The following PRDM16 variants were observed in gnomAD, a reference collection of about 807,000 sequenced individuals.
PRDM16 encodes the protein PR/SET domain 16.
PRDM16 carries 23 observed loss-of-function variants against 110.6 expected under a neutral mutation model. The observed-to-expected ratio is 0.21, with a 90% CI of 0.15 to 0.29. The LOEUF (loss-of-function observed/expected upper bound fraction) is 0.29. Among genes scored for constraint, PRDM16 ranks in the 10% least tolerant of loss-of-function variants. PRDM16 has a pLI of 1.00. For synonymous variants in PRDM16, 799 were observed against 781.8 expected (o/e 1.02, Z -0.37); for missense variants, 1,615 against 1,794.3 (o/e 0.90, Z 1.81).
intron 3 of PRDM16, among the ~76,000 whole-genome samples, chr1:3,277,147 CAA>C (rs1296162434): frequency 6.6e-6 from 1 of 152,190 alleles, no homozygotes; most frequent in Non-Finnish European, 1.5e-5. Flanking sequence ...AGCAGACAGA[CAA>C]GAGCCAGGCC....
At chr1:3,134,561 G>A (rs1219268059) in intron 1 of PRDM16, among the ~76,000 whole-genome samples, 2 of 151,892 alleles carry the variant, frequency 1.3e-5, no homozygotes, top group Non-Finnish European at 2.9e-5. Context: ...GACCTACTCC[G>A]AGGGCGCGTG....
chr1:3,147,559 C>A (rs1425593069), intron 1 of PRDM16, among the ~76,000 whole-genome samples: 1 of 152,154 alleles, frequency 6.6e-6, no homozygotes, highest in Admixed American at 6.5e-5. Flanking sequence ...TGGAAACTAT[C>A]ATCATTGCCC....
At chr1:3,233,250 G>A (rs1011555774) in intron 2 of PRDM16, among the ~76,000 whole-genome samples, 1 of 152,162 alleles carries the variant, frequency 6.6e-6, no homozygotes, top group African/African-American at 2.4e-5. Flanking sequence ...CTGTGTCGTC[G>A]GTGTGGAGGA....
chr1:3,431,950 C>T lies in PRDM16; in HGVS notation c.3522-16C>T. 1.2e-6 allele frequency: 2 copies of T among 1,607,656 alleles called. No homozygotes were observed. Among genetic ancestry groups the T allele is most frequent in the Non-Finnish European group, 1.7e-6 (2 of 1,176,270 alleles). Reference sequence around the variant, plus strand: ...TGCTGACAGCAGGCCTTCCCTCTCCCCGGTCATTGGTGCAGGTGTGCTGAG... The same window carrying T: ...TGCTGACAGCAGGCCTTCCCTCTCCTCGGTCATTGGTGCAGGTGTGCTGAG... On this transcript the variant is annotated splice_polypyrimidine_tract_variant and intron_variant, in intron 15 of 16. Coordinates refer to ENST00000270722, the MANE Select transcript of PRDM16 (RefSeq NM_022114.4).
intron 2 of PRDM16, among the ~76,000 whole-genome samples, chr1:3,217,406 A>C (rs1177925401): frequency 3.3e-5 from 5 of 152,208 alleles, no homozygotes; most frequent in Admixed American, 6.5e-5. Flanking sequence ...GAATGGGAGC[A>C]GGGATCTCAT....
intron 3 of PRDM16, among the ~76,000 whole-genome samples, chr1:3,266,044 C>T (rs1192724893): frequency 6.6e-6 from 1 of 152,202 alleles, no homozygotes; most frequent in African/African-American, 2.4e-5. Flanking sequence ...TGAGTCCATC[C>T]AGGGCGGTGT....
rs1643721206 is a variant in PRDM16, at chr1:3,148,627, A to G, written c.38-37498A>G. 6.6e-6 allele frequency among the ~76,000 whole-genome samples: 1 copy of G among 152,120 alleles called. No homozygotes were observed. The highest frequency in any genetic ancestry group is 1.5e-5 in the Non-Finnish European group (1 of 68,018). On this transcript the variant is annotated intron_variant, in intron 1 of 16. Coordinates refer to ENST00000270722, the MANE Select transcript of PRDM16 (RefSeq NM_022114.4). The surrounding 1 kb of genome is among the most constrained non-coding windows in gnomAD (Gnocchi z 5.0). The stretch of plus-strand genomic sequence containing the variant: ...TTGACGCTCACGGGGCTCAGATCCC[A>G]TCTCAGGTGGGCGGTGACTTGTCCT...
At chr1:3,264,630 C>G (rs1195645398) in intron 3 of PRDM16, among the ~76,000 whole-genome samples, 24 of 146,594 alleles carry the variant, frequency 1.6e-4, no homozygotes, top group Admixed American at 1.3e-3. Context: ...CCCGAGGACC[C>G]CGGGCCAGGA....
intron 1 of PRDM16, among the ~76,000 whole-genome samples, chr1:3,085,265 C>T (rs1642123942): frequency 6.6e-6 from 1 of 152,178 alleles, no homozygotes; most frequent in South Asian, 2.1e-4. Context: ...CTCAGAGTTT[C>T]CTAGAGCCAC....
At chr1:3,413,275 A>T (rs1300329096) in intron 9 of PRDM16, among the ~76,000 whole-genome samples, 3 of 148,846 alleles carry the variant, frequency 2.0e-5, no homozygotes, top group African/African-American at 7.8e-5. Flanking sequence ...CCCTGGAGCC[A>T]CAGCGGCAGG....
chr1:3,411,669 C>T lies in PRDM16; in HGVS notation c.1472C>T (p.Ser491Phe). 6.2e-7 allele frequency: 1 copy of T among 1,612,292 alleles called. No homozygotes were observed. The highest frequency in any genetic ancestry group is 8.5e-7 in the Non-Finnish European group (1 of 1,178,812). ...CTGGGCTTCAACGAGTACTTTCCCT[C>T]CAGGCCGCACCCGGGGAGCCTGCCC... ...ASLGFNEYFP[S>F]RPHPGSLPFS... The change falls in exon 9 of 17, where the codon TCC becomes TTC. Residue 491 changes from serine to phenylalanine, a missense_variant. By Grantham distance (155) the Ser-to-Phe change is radical (BLOSUM62 -2). This residue lies in a region of PRDM16 where 772 missense variants were observed against 748.3 expected (regional missense o/e 1.03). Transcript: ENST00000270722.
At chr1:3,119,627 T>G (rs1016214813) in intron 1 of PRDM16, among the ~76,000 whole-genome samples, 2 of 152,128 alleles carry the variant, frequency 1.3e-5, no homozygotes, top group African/African-American at 2.4e-5. Flanking sequence ...GGGAGGGGGT[T>G]CTAGAAGCCT....
chr1:3,322,050 C>CGT (rs750860910), intron 3 of PRDM16, among the ~76,000 whole-genome samples: 8 of 146,550 alleles, frequency 5.5e-5, no homozygotes, highest in Non-Finnish European at 1.0e-4. Context: ...GTTTGGAGGT[C>CGT]GTGTGTGTGT....
chr1:3,119,935 C>T (rs909059948), intron 1 of PRDM16, among the ~76,000 whole-genome samples: 2 of 152,146 alleles, frequency 1.3e-5, no homozygotes, highest in African/African-American at 4.8e-5. Flanking sequence ...CCCTTCCCTG[C>T]CTGGAGGCTG....
chr1:3,152,756 A>G (rs769753237), intron 1 of PRDM16, among the ~76,000 whole-genome samples: 95 of 152,128 alleles, frequency 6.2e-4, no homozygotes, highest in Admixed American at 1.1e-3. Flanking sequence ...GCATGGACTC[A>G]GCCATAGCGT....
At chr1:3,420,622 G>C (rs1638400037) in intron 12 of PRDM16, among the ~76,000 whole-genome samples, 1 of 152,220 alleles carries the variant, frequency 6.6e-6, no homozygotes, top group Admixed American at 6.5e-5. Context: ...CCCTGAGGTA[G>C]GGAACGTAGA....
chr1:3,222,638 C>T (rs1336513525), intron 2 of PRDM16, among the ~76,000 whole-genome samples: 1 of 152,218 alleles, frequency 6.6e-6, no homozygotes, highest in Non-Finnish European at 1.5e-5. Flanking sequence ...CATCCCAGGG[C>T]ACTTAGGCCC....
intron 1 of PRDM16, among the ~76,000 whole-genome samples, chr1:3,155,418 T>A (rs533861516): frequency 3.2e-4 from 48 of 152,374 alleles, no homozygotes; most frequent in Middle Eastern, 3.4e-3. Context: ...TGCCCTGTTA[T>A]CTGCGTGGTT....
intron 2 of PRDM16, among the ~76,000 whole-genome samples, chr1:3,218,293 A>G (rs1419056703): frequency 6.6e-6 from 1 of 152,232 alleles, no homozygotes; most frequent in African/African-American, 2.4e-5. Context: ...GACATCAAGA[A>G]AAAACCCAGC....
Sources: gnomAD v4.1 joint callset for allele counts (sites outside exome capture counted in the v4.1 genomes callset) on GRCh38, gnomAD v4.1.1 for gene constraint, gnomAD v4.1.1 regional missense constraint, Gnocchi (gnomAD v3.1) non-coding constraint, MANE v1.5 for transcripts, NCBI Gene and HGNC (gene_info 2026-07-23, HGNC 2026-07-21) for gene names.